Variants in BLTP1 observed in about 807,000 individuals in gnomAD.
BLTP1 encodes bridge-like lipid transfer protein family member 1.
chr4:122,264,657 C>A, the BLTP1 span, among the ~76,000 whole-genome samples: 1 of 152,128 alleles, frequency 6.6e-6, no homozygotes. Context: ...CATATAGTAA[C>A]CTTTTTGTTA....
the BLTP1 span, chr4:122,316,988 TC>T: frequency 1.7e-6 from 1 of 591,570 alleles, no homozygotes; most frequent in Non-Finnish European, 2.8e-6. Flanking sequence ...ATCACCAGGG[TC>T]CAGAGTTGTT....
chr4:122,279,700 T>A, the BLTP1 span: 1 of 1,476,510 alleles, frequency 6.8e-7, no homozygotes, highest in Non-Finnish European at 9.0e-7. Flanking sequence ...TTTTTCTTGC[T>A]CTCAATATTT....
chr4:122,244,075 C>T, the BLTP1 span: 1 of 1,503,770 alleles, frequency 6.6e-7, no homozygotes. Flanking sequence ...ACAATGATTA[C>T]TCTGTGATAT....
chr4:122,249,495 C>A, the BLTP1 span: 1 of 1,612,804 alleles, frequency 6.2e-7, no homozygotes, highest in Non-Finnish European at 8.5e-7. Flanking sequence ...ACATTGGGAC[C>A]TGTGCAATCA....
chr4:122,238,144 A>G, the BLTP1 span: 1 of 1,613,840 alleles, frequency 6.2e-7, no homozygotes, highest in Middle Eastern at 1.7e-4. Flanking sequence ...CAGTGGGAAT[A>G]GAAGTAGAGA....
At chr4:122,250,883 G>T in the BLTP1 span, 1 of 921,038 alleles carries the variant, frequency 1.1e-6, no homozygotes, top group Non-Finnish European at 1.3e-6. Context: ...CACCTATAGG[G>T]TGTGGAGGAT....
chr4:122,317,230 G>A, the BLTP1 span, among the ~76,000 whole-genome samples: 2 of 151,998 alleles, frequency 1.3e-5, no homozygotes, highest in African/African-American at 2.4e-5. Context: ...TACTCGGGAG[G>A]CTGAGGCAGG....
the BLTP1 span, chr4:122,287,529 A>T: frequency 7.1e-6 from 7 of 981,494 alleles, no homozygotes; most frequent in Non-Finnish European, 8.5e-6. Context: ...CTTCAGACAC[A>T]CTGTGCTGTG....
At chr4:122,187,447 G>C in the BLTP1 span, 1 of 1,611,702 alleles carries the variant, frequency 6.2e-7, no homozygotes, top group Non-Finnish European at 8.5e-7. Context: ...AGTAAAAACA[G>C]AATCCCAAGA....
chr4:122,205,629 GT>G, the BLTP1 span, among the ~76,000 whole-genome samples: 412 of 65,384 alleles, frequency 6.3e-3, 15 homozygotes, highest in African/African-American at 0.022. Flanking sequence ...GTTTCCAATT[GT>G]TTCCCCCCCC....
chr4:122,333,848 T>C, the BLTP1 span: 6 of 1,570,282 alleles, frequency 3.8e-6, no homozygotes, highest in Non-Finnish European at 5.1e-6. Flanking sequence ...ATTAGACTAT[T>C]GGTAGCAATG....
the BLTP1 span, chr4:122,340,933 A>G: frequency 2.6e-3 from 1,859 of 721,616 alleles, 6 homozygotes; most frequent in African/African-American, 9.4e-3. Flanking sequence ...TAGTGATACC[A>G]TATTTTTCCA....
At chr4:122,208,265 C>T in the BLTP1 span, 10 of 631,914 alleles carry the variant, frequency 1.6e-5, no homozygotes, top group Non-Finnish European at 2.0e-5. Flanking sequence ...TGCATTTATA[C>T]ATTAGGAAAG....
chr4:122,179,422 G>A, the BLTP1 span, among the ~76,000 whole-genome samples: 2 of 152,122 alleles, frequency 1.3e-5, no homozygotes, highest in African/African-American at 4.8e-5. Context: ...CCAAAGACCT[G>A]TATGATTAAA....
chr4:122,162,465 G>C, the BLTP1 span: 2 of 956,178 alleles, frequency 2.1e-6, no homozygotes, highest in African/African-American at 3.5e-5. Context: ...GAGGACCTGT[G>C]GGCAGGTTCA....
At chr4:122,186,580 G>C in the BLTP1 span, among the ~76,000 whole-genome samples, 8 of 151,860 alleles carry the variant, frequency 5.3e-5, no homozygotes, top group African/African-American at 1.9e-4. Context: ...AAACATATGT[G>C]TTTAGAATAT....
chr4:122,193,759 T>G, the BLTP1 span: 1 of 547,956 alleles, frequency 1.8e-6, no homozygotes, highest in Non-Finnish European at 2.3e-6. Context: ...ATTGATAGAT[T>G]AGTGAAAGAG....
the BLTP1 span, chr4:122,286,457 C>T: frequency 6.4e-7 from 1 of 1,565,612 alleles, no homozygotes; most frequent in South Asian, 1.2e-5. Context: ...ATGCATTTTT[C>T]TTAGATACCC....
the BLTP1 span, among the ~76,000 whole-genome samples, chr4:122,329,003 ACT>A: frequency 6.6e-6 from 1 of 151,060 alleles, no homozygotes; most frequent in East Asian, 1.9e-4. Flanking sequence ...TCTATAAGAA[ACT>A]CTCTGTCTTC....
Sources: gnomAD v4.1 joint callset for allele counts (sites outside exome capture counted in the v4.1 genomes callset) on GRCh38, gnomAD v4.1.1 for gene constraint, MANE v1.5 for transcripts, NCBI Gene and HGNC (gene_info 2026-07-23, HGNC 2026-07-21) for gene names.